The following MCTP2 variants were observed in gnomAD, a reference collection of about 807,000 sequenced individuals.
MCTP2 encodes multiple C2 and transmembrane domain containing 2.
MCTP2 carries 132 observed loss-of-function variants against 111.6 expected under a neutral mutation model. The observed-to-expected ratio is 1.18, with a 90% confidence interval of 1.03 to 1.37. The LOEUF (loss-of-function observed/expected upper bound fraction) is 1.37. Ranked by LOEUF, MCTP2 falls within the 40% of genes most tolerant of loss-of-function variation. The pLI, the probability that MCTP2 is intolerant of heterozygous loss-of-function variation, is 0.00. For missense variants in MCTP2, 1,183 were observed against 1,067.9 expected (o/e 1.11, Z -1.50); for synonymous variants, 395 against 387.7 (o/e 1.02, Z -0.22).
intron 21 of MCTP2, among the ~76,000 whole-genome samples, chr15:94,475,802 C>A (rs938321690): frequency 2.6e-5 from 4 of 152,146 alleles, no homozygotes; most frequent in African/African-American, 4.8e-5. Flanking sequence ...GAGAGGAACT[C>A]CCCTCTAAAG....
At chr15:94,266,558 G>C (rs188585742) in intron 1 of MCTP2, among the ~76,000 whole-genome samples, 1 of 152,124 alleles carries the variant, frequency 6.6e-6, no homozygotes, top group Non-Finnish European at 1.5e-5. Flanking sequence ...ATAAATACAC[G>C]CTGAAGTTCA....
chr15:94,322,981 GTC>G (rs1414072977), intron 4 of MCTP2, among the ~76,000 whole-genome samples: 1 of 152,214 alleles, frequency 6.6e-6, no homozygotes, highest in African/African-American at 2.4e-5. Context: ...AGAGTTCCCT[GTC>G]TCTGCTGTGA....
At chr15:94,240,020 G>T (rs928027011) in intron 1 of MCTP2, among the ~76,000 whole-genome samples, 3 of 151,606 alleles carry the variant, frequency 2.0e-5, no homozygotes, top group Non-Finnish European at 4.4e-5. Flanking sequence ...TTATTTTATT[G>T]TTTAGTTTTG....
chr15:94,378,257 C>T (rs912192780), intron 12 of MCTP2, among the ~76,000 whole-genome samples: 27 of 151,894 alleles, frequency 1.8e-4, no homozygotes, highest in Non-Finnish European at 3.7e-4. Flanking sequence ...CGCAGTGACT[C>T]GCACCCATAA....
chr15:94,352,597 G>A (rs1321932166), intron 8 of MCTP2, among the ~76,000 whole-genome samples: 1 of 152,204 alleles, frequency 6.6e-6, no homozygotes, highest in African/African-American at 2.4e-5. Context: ...CTTGGCGTCT[G>A]TTTCAGTTCA....
intron 1 of MCTP2, among the ~76,000 whole-genome samples, chr15:94,279,812 T>C (rs1337508587): frequency 6.6e-6 from 1 of 152,206 alleles, no homozygotes. Context: ...GTTTTTAACA[T>C]GAAGGATTTT....
At position 94,440,258 on chromosome 15, in the gene MCTP2, G is replaced by C. The variant is rs1157348827; in HGVS notation, c.2168G>C (p.Arg723Thr). 13 of 1,614,078 alleles carry C rather than the reference G, an allele frequency of 8.1e-6. No individual in the cohort carries two copies. Among genetic ancestry groups the C allele is most frequent in the Middle Eastern group, 1.6e-4 (1 of 6,062 alleles). ...LLLIFVYNFIRPVKGKVSSIQ... is the reference protein window; with the variant it reads ...LLLIFVYNFITPVKGKVSSIQ... ...CTGATCTTTGTCTACAATTTCATCA[G>C]ACCTGTGAAAGGCAAGGTCAGCAGC... Residue 723 changes from arginine (R) to threonine (T), a missense_variant, in exon 18 of 23, where the codon AGA (arginine) becomes ACA (threonine). Transcript: ENST00000357742.
rs35878311 is a variant in MCTP2 at position 94,285,514 on chromosome 15, A to ATTT, written c.-65-12680_-65-12678dup. 1.9e-4 allele frequency among the ~76,000 whole-genome samples: 29 copies of ATTT among 151,424 alleles called. No homozygotes were observed. The South Asian group carries it at 4.2e-3, about 22-fold the overall frequency. ...CTAATTATGCTTTGCTTCACAATTT[A>ATTT]TTTTTTTTTGTTGAATGGTACATTA... On this transcript the variant is annotated intron_variant, in intron 1 of 22. Transcript: ENST00000357742.
intron 1 of MCTP2, among the ~76,000 whole-genome samples, chr15:94,264,337 G>A (rs936155690): frequency 2.6e-5 from 4 of 151,992 alleles, no homozygotes; most frequent in Non-Finnish European, 4.4e-5. Context: ...GGCTGGGCGC[G>A]GTGGCTCATG....
chr15:94,246,852 G>T (rs1477008093), intron 1 of MCTP2, among the ~76,000 whole-genome samples: 1 of 152,184 alleles, frequency 6.6e-6, no homozygotes, highest in Non-Finnish European at 1.5e-5. Context: ...TTTAAAAGAT[G>T]ATGGTTTTAA....
chr15:94,364,899 GAAGAAGGTTTTGTATGAAAT>G (rs2054699222), intron 10 of MCTP2, among the ~76,000 whole-genome samples: 1 of 152,176 alleles, frequency 6.6e-6, no homozygotes, highest in Admixed American at 6.5e-5. Flanking sequence ...TATGAGGCCT[GAAGAAGGTTTTGTATGAAAT>G]ACATTTTTTC....
chr15:94,328,778 A>G lies in MCTP2; in HGVS notation c.638-10512A>G, dbSNP rs548224614. Among the ~76,000 whole-genome samples the G allele has an allele frequency of 3.9e-5, 6 of 152,282 alleles. No homozygotes were observed. In the East Asian group the frequency reaches 5.8e-4, roughly 15 times the overall value. On this transcript the variant is annotated intron_variant, in intron 4 of 22. Coordinates refer to ENST00000357742, the MANE Select transcript of MCTP2 (RefSeq NM_001385001.1). ...GGAGTGTAAGTTTGGACAAAGCCCA[A>G]TGGAGTTGGCCTGTTTTTGCTGCAT...
At chr15:94,309,221 G>A (rs189579869) in intron 2 of MCTP2, among the ~76,000 whole-genome samples, 6 of 152,212 alleles carry the variant, frequency 3.9e-5, no homozygotes, top group South Asian at 2.1e-4. Context: ...TAGTGGAGCC[G>A]TCTGATTCCT....
At chr15:94,312,914 G>C (rs991004011) in intron 2 of MCTP2, among the ~76,000 whole-genome samples, 57 of 152,276 alleles carry the variant, frequency 3.7e-4, no homozygotes, top group African/African-American at 1.3e-3. Context: ...CAGAGCGAAT[G>C]TGTGTCTCGG....
rs1473303528 is a variant in MCTP2, at chr15:94,311,031, T to A, written c.466-3251T>A. Among the ~76,000 whole-genome samples the A allele has an allele frequency of 4.7e-5, 7 of 150,222 alleles. No homozygotes were observed. The East Asian group carries it at 7.7e-4, about 17-fold the overall frequency. On this transcript the variant is annotated intron_variant, in intron 2 of 22. Coordinates refer to ENST00000357742, the MANE Select transcript of MCTP2 (RefSeq NM_001385001.1). ...GGGAACTTTCCTTTTTTTTTTTTTT[T>A]TTTTTATTTTTGAGATGGAGTCTCA...
rs577782512 is a variant in MCTP2, at chr15:94,392,078, A to C, written c.1788+6553A>C. Among the ~76,000 whole-genome samples the C allele has an allele frequency of 2.6e-5, 4 of 152,306 alleles. No homozygotes were observed. The East Asian group carries it at 7.7e-4, about 29-fold the overall frequency. On this transcript the variant is annotated intron_variant, in intron 14 of 22. Coordinates refer to ENST00000357742, the MANE Select transcript of MCTP2 (RefSeq NM_001385001.1). ...TAAAAAAAAGATTGAATTAACAATA[A>C]GGTTATTATAAGGCCAGGCGCGGTG... is the stretch of plus-strand genomic sequence containing the variant.
chr15:94,474,875 CATAG>C (rs908785928), intron 21 of MCTP2, among the ~76,000 whole-genome samples: 6 of 149,374 alleles, frequency 4.0e-5, no homozygotes, highest in Admixed American at 6.6e-5. Context: ...TTTTTTCAAA[CATAG>C]ATAGTCTCAG....
chr15:94,463,625 A>G (rs1188733382), intron 20 of MCTP2, among the ~76,000 whole-genome samples: 1 of 152,148 alleles, frequency 6.6e-6, no homozygotes, highest in African/African-American at 2.4e-5. Context: ...GTGGTTTAGA[A>G]TTGGTATTTT....
chr15:94,245,313 T>C (rs1015594786), intron 1 of MCTP2, among the ~76,000 whole-genome samples: 2 of 142,496 alleles, frequency 1.4e-5, no homozygotes, highest in South Asian at 4.4e-4. Context: ...TACATATATG[T>C]ACATATATTT....
Sources: gnomAD v4.1 joint callset for allele counts (sites outside exome capture counted in the v4.1 genomes callset) on GRCh38, gnomAD v4.1.1 for gene constraint, MANE v1.5 for transcripts, NCBI Gene and HGNC (gene_info 2026-07-23, HGNC 2026-07-21) for gene names.